SLIT3: variants seen among roughly 807,000 people sequenced by gnomAD.
SLIT3 encodes the protein slit homolog 3 protein.
Under a neutral mutation model 184.0 loss-of-function variants are expected in SLIT3, and 68 were observed. The ratio of observed to expected loss-of-function variants is 0.37; its 90% CI spans 0.30 to 0.45. The LOEUF (loss-of-function observed/expected upper bound fraction) is 0.45. Among genes scored for constraint, SLIT3 ranks in the 20% least tolerant of loss-of-function variants. The pLI is 1.00. For missense variants in SLIT3, 1,707 were observed against 2,026.0 expected, an observed-to-expected ratio of 0.84 and a Z score of 3.02; for synonymous variants, 831 against 828.6, an observed-to-expected ratio of 1.00 and a Z score of -0.05.
chr5:168,881,300 G>T (rs1299976735), intron 5 of SLIT3, among the ~76,000 whole-genome samples: 1 of 152,182 alleles, frequency 6.6e-6, no homozygotes, highest in Admixed American at 6.5e-5. Context: ...TAGAGATATT[G>T]TAAGAGGGGA....
intron 4 of SLIT3, among the ~76,000 whole-genome samples, chr5:168,932,730 C>T (rs755103816): frequency 6.6e-5 from 10 of 152,220 alleles, no homozygotes; most frequent in Non-Finnish European, 1.3e-4. Context: ...GTTTCCACAT[C>T]TGTAAAACGG....
chr5:169,028,539 C>T (rs1357732888), intron 4 of SLIT3, among the ~76,000 whole-genome samples: 1 of 152,230 alleles, frequency 6.6e-6, no homozygotes, highest in African/African-American at 2.4e-5. Context: ...CAGTGCCTGG[C>T]ACATAGTTGG....
Position 169,112,071 on chromosome 5 carries a change from A to T in SLIT3, c.413+81408T>A, listed in dbSNP as rs115765351. On this transcript the variant is annotated intron_variant, in intron 4 of 35. Transcript: ENST00000519560. ...GGTTTCAAATGTCCCTTTCAGGACTAGTATTCTGGTGACTGCTGATGGGGA... is the reference window on the plus strand; with the variant it reads ...GGTTTCAAATGTCCCTTTCAGGACTTGTATTCTGGTGACTGCTGATGGGGA... Among the ~76,000 whole-genome samples, 207 of 152,346 alleles carry T rather than the reference A, an allele frequency of 1.4e-3. 1 individual carries two copies. The highest frequency in any genetic ancestry group is 4.8e-3 in the African/African-American group (200 of 41,576).
chr5:168,943,942 T>C (rs935196538), intron 4 of SLIT3, among the ~76,000 whole-genome samples: 3 of 152,180 alleles, frequency 2.0e-5, no homozygotes, highest in African/African-American at 7.2e-5. Flanking sequence ...CAAAACTCCT[T>C]GGCGAATCCC....
chr5:168,975,730 C>A (rs141185134), intron 4 of SLIT3, among the ~76,000 whole-genome samples: 1 of 152,276 alleles, frequency 6.6e-6, no homozygotes, highest in African/African-American at 2.4e-5. Context: ...CTTTGCTTCC[C>A]TCCCCAGAAG....
chr5:169,183,644 C>T (rs1484446929), intron 4 of SLIT3, among the ~76,000 whole-genome samples: 2 of 152,310 alleles, frequency 1.3e-5, no homozygotes, highest in East Asian at 1.9e-4. Flanking sequence ...AGTAAACCAG[C>T]AAAAGCCCTT....
intron 1 of SLIT3, among the ~76,000 whole-genome samples, chr5:169,265,176 C>CAAAG (rs1223487381): frequency 5.3e-5 from 8 of 152,092 alleles, no homozygotes; most frequent in Non-Finnish European, 1.2e-4. Flanking sequence ...AACAAACAAA[C>CAAAG]AAACAAAACG....
intron 4 of SLIT3, among the ~76,000 whole-genome samples, chr5:169,165,558 G>A (rs1409266291): frequency 2.0e-5 from 3 of 152,006 alleles, no homozygotes; most frequent in South Asian, 2.1e-4. Context: ...ATTTTTTCAC[G>A]GATTCATTCA....
chr5:168,810,363 G>A (rs1757120895), intron 8 of SLIT3, among the ~76,000 whole-genome samples: 2 of 152,210 alleles, frequency 1.3e-5, no homozygotes, highest in Non-Finnish European at 2.9e-5. Flanking sequence ...GTGAGCCTAT[G>A]TACTGGCAAG....
chr5:168,906,555 G>C lies in SLIT3; in HGVS notation c.414-23219C>G, dbSNP rs375832171. On this transcript the variant is annotated intron_variant, in intron 4 of 35. Coordinates refer to ENST00000519560, the MANE Select transcript of SLIT3 (RefSeq NM_003062.4). ...TTTGAATGCAAGTGCATCAGAAAAG[G>C]TCTGCTGAGATCCCAAACCGTCACA... 5.3e-5 allele frequency among the ~76,000 whole-genome samples: 8 copies of C among 152,256 alleles called. No individual in the cohort carries two copies. In the East Asian group the frequency reaches 1.5e-3, roughly 29 times the overall value.
intron 1 of SLIT3, among the ~76,000 whole-genome samples, chr5:169,257,570 G>A (rs1266354563): frequency 4.2e-5 from 4 of 94,392 alleles, no homozygotes; most frequent in Non-Finnish European, 5.7e-5. Context: ...TTTTTGAGAC[G>A]GTGTCTCCCT....
chr5:168,741,928 CAGTAGGTAGTAA>C (rs148765053), intron 20 of SLIT3, among the ~76,000 whole-genome samples: 48,174 of 120,966 alleles, frequency 0.4, 8,961 homozygotes, highest in East Asian at 0.54. Context: ...GTGATGCAAT[CAGTAGGTAGTAA>C]AGTTGGAATT....
At chr5:168,907,152 C>T (rs765077178) in intron 4 of SLIT3, among the ~76,000 whole-genome samples, 22 of 152,206 alleles carry the variant, frequency 1.4e-4, no homozygotes, top group East Asian at 7.7e-4. Flanking sequence ...TGAACCACCG[C>T]GCCCAGCTGG....
chr5:168,959,161 T>C (rs1016454728), intron 4 of SLIT3, among the ~76,000 whole-genome samples: 4 of 152,242 alleles, frequency 2.6e-5, no homozygotes, highest in Non-Finnish European at 5.9e-5. Context: ...AAATGGCGAA[T>C]TAGAAATACC....
Position 168,666,273 on chromosome 5 carries a change from C to T in SLIT3, c.*181G>A. The T allele has an allele frequency of 1.9e-6, 1 of 519,876 alleles. No homozygotes were observed. The highest frequency in any genetic ancestry group is 3.2e-6 in the Non-Finnish European group (1 of 312,270). 32.2% of individuals were successfully genotyped at this position (519,876 alleles called of 1,614,324 possible). On this transcript the variant is annotated 3_prime_UTR_variant, in exon 36 of 36. Transcript: ENST00000519560. ...ATATAATAAAAGATGAAAATAGTCA[C>T]TTTCCATAATAAAAATAAGTTCTAT... is the stretch of plus-strand genomic sequence containing the variant.
chr5:168,802,395 C>T (rs1756800050), intron 9 of SLIT3, among the ~76,000 whole-genome samples: 1 of 152,108 alleles, frequency 6.6e-6, no homozygotes, highest in Admixed American at 6.5e-5. Context: ...TCTCGAACTG[C>T]CCTATCCAGC....
chr5:168,971,804 C>A lies in SLIT3; in HGVS notation c.414-88468G>T, dbSNP rs560668644. Reference sequence around the variant, plus strand: ...CTGAGGGAAAACCTTTCCACCTTCTCTCTCACCCTCCCTCCCTTGAGCATA... The same window carrying A: ...CTGAGGGAAAACCTTTCCACCTTCTATCTCACCCTCCCTCCCTTGAGCATA... On this transcript the variant is annotated intron_variant, in intron 4 of 35. Coordinates refer to ENST00000519560, the MANE Select transcript of SLIT3 (RefSeq NM_003062.4). 2.6e-5 allele frequency among the ~76,000 whole-genome samples: 4 copies of A among 152,350 alleles called. No homozygotes were observed. The East Asian group carries it at 7.7e-4, about 29-fold the overall frequency.
chr5:168,850,616 C>T (rs1230652527), intron 5 of SLIT3, among the ~76,000 whole-genome samples: 1 of 152,196 alleles, frequency 6.6e-6, no homozygotes, highest in Non-Finnish European at 1.5e-5. Flanking sequence ...GGACAAAGTC[C>T]TAGGTTAATT....
intron 20 of SLIT3, among the ~76,000 whole-genome samples, chr5:168,732,867 A>G (rs1003527628): frequency 1.3e-5 from 2 of 152,210 alleles, no homozygotes; most frequent in Non-Finnish European, 2.9e-5. Context: ...TAAAAATCCT[A>G]GAAGAAAACC....
Sources: gnomAD v4.1 joint callset for allele counts (sites outside exome capture counted in the v4.1 genomes callset) on GRCh38, gnomAD v4.1.1 for gene constraint, MANE v1.5 for transcripts, NCBI Gene and HGNC (gene_info 2026-07-23, HGNC 2026-07-21) for gene names.